HERC1: variants seen among roughly 807,000 people sequenced by gnomAD.
HERC1 encodes the protein probable E3 ubiquitin-protein ligase HERC1.
Under a neutral mutation model 554.3 loss-of-function variants are expected in HERC1, and 160 were observed. That is an observed-to-expected ratio of 0.29 (90% CI 0.25 to 0.33). HERC1 has a LOEUF of 0.33. Ranked by LOEUF, HERC1 falls within the 10% of genes least tolerant of loss-of-function variation. The pLI is 1.00. For missense variants in HERC1, 4,919 were observed against 5,918.5 expected (o/e 0.83, Z 5.54); for synonymous variants, 2,175 against 2,131.7 (o/e 1.02, Z -0.56).
At position 63,775,638 on chromosome 15, in the gene HERC1, C is replaced by T; in HGVS notation, c.-15G>A. ...ATAGTTGCCATGTTGATTTATCCTTCAGCCATTAGTCCTGCAAAGGGAGAA... is the reference window on the plus strand; with the variant it reads ...ATAGTTGCCATGTTGATTTATCCTTTAGCCATTAGTCCTGCAAAGGGAGAA... On this transcript the variant is annotated 5_prime_UTR_variant, in exon 2 of 78. Transcript: ENST00000443617. This position sits in a 1 kb window ranked among gnomAD's most constrained non-coding sequence, Gnocchi z 4.0. The T allele has an allele frequency of 6.4e-7, 1 of 1,571,858 alleles. No homozygotes were observed. Among genetic ancestry groups the T allele is most frequent in the Non-Finnish European group, 8.6e-7 (1 of 1,159,128 alleles).
At chr15:63,700,576 T>TA (rs1409346239) in intron 25 of HERC1, among the ~76,000 whole-genome samples, 1 of 152,032 alleles carries the variant, frequency 6.6e-6, no homozygotes, top group East Asian at 1.9e-4. Context: ...TGTATCCTAG[T>TA]AAAATAATGT....
intron 2 of HERC1, among the ~76,000 whole-genome samples, chr15:63,766,802 C>A (rs1044831373): frequency 6.6e-6 from 1 of 151,990 alleles, no homozygotes; most frequent in African/African-American, 2.4e-5. Flanking sequence ...CTCAGTCTCC[C>A]GAGTAGCTGG....
chr15:63,801,082 G>A (rs185013363), intron 1 of HERC1, among the ~76,000 whole-genome samples: 23 of 152,242 alleles, frequency 1.5e-4, no homozygotes, highest in Middle Eastern at 6.8e-3. Context: ...ATGCTGGGAG[G>A]GTGGCATGTC....
At chr15:63,721,645 G>A (rs1313566973) in intron 19 of HERC1, among the ~76,000 whole-genome samples, 1 of 152,010 alleles carries the variant, frequency 6.6e-6, no homozygotes, top group Middle Eastern at 3.2e-3. Flanking sequence ...CCAATAAAAA[G>A]TAAAAATGTA....
At chr15:63,777,761 C>T (rs1458578348) in intron 1 of HERC1, among the ~76,000 whole-genome samples, 1 of 152,190 alleles carries the variant, frequency 6.6e-6, no homozygotes, top group East Asian at 1.9e-4. Flanking sequence ...CCGACTCTCA[C>T]ACCCAGATTC....
chr15:63,637,235 G>T, intron 64 of HERC1: 1 of 520,176 alleles, frequency 1.9e-6, no homozygotes. Context: ...TTACACTTTT[G>T]CAATTTTTAA....
Position 63,612,395 on chromosome 15 carries a change from C to A in HERC1, c.14256G>T (p.Gln4752His). Reference sequence around the variant, plus strand: ...GCGTGTGCCAGAACCACTGCACCAGCTGATGCTGCTCATCCACCTCACGGT... The same window carrying A: ...GCGTGTGCCAGAACCACTGCACCAGATGATGCTGCTCATCCACCTCACGGT... ...VRYREVDEQH[Q>H]LVQWFWHTLE... The change falls in exon 77 of 78, where the codon CAG (glutamine) becomes CAT (histidine). Residue 4752 changes from glutamine to histidine, a missense_variant. Coordinates refer to ENST00000443617, the MANE Select transcript of HERC1 (RefSeq NM_003922.4). This position sits in a 1 kb window ranked among gnomAD's most constrained non-coding sequence, Gnocchi z 5.0. 1 of 1,614,078 alleles carries A rather than the reference C, an allele frequency of 6.2e-7. No individual in the cohort carries two copies. Among genetic ancestry groups the A allele is most frequent in the South Asian group, 1.1e-5 (1 of 91,082 alleles).
chr15:63,681,096 AC>A (rs1487987197), intron 34 of HERC1, among the ~76,000 whole-genome samples: 1 of 152,232 alleles, frequency 6.6e-6, no homozygotes, highest in Non-Finnish European at 1.5e-5. Flanking sequence ...TTAATTCTTT[AC>A]ATATAGATTT....
intron 27 of HERC1, among the ~76,000 whole-genome samples, chr15:63,695,383 C>CATTTTTTT (rs1567023180): frequency 9.7e-6 from 1 of 103,306 alleles, no homozygotes; most frequent in Admixed American, 1.0e-4. Flanking sequence ...TCTGTATAAT[C>CATTTTTTT]TTTTTTTTTT....
intron 1 of HERC1, among the ~76,000 whole-genome samples, chr15:63,817,916 A>G (rs1398109264): frequency 1.3e-5 from 2 of 152,032 alleles, no homozygotes; most frequent in Non-Finnish European, 2.9e-5. Context: ...AAAATGCTGT[A>G]TGGGAATTGA....
Position 63,680,707 on chromosome 15 carries a change from C to A in HERC1, c.6295G>T (p.Asp2099Tyr). 1 of 1,613,592 alleles carries A rather than the reference C, an allele frequency of 6.2e-7. No homozygotes were observed. The highest frequency in any genetic ancestry group is 1.1e-5 in the South Asian group (1 of 91,058). The change falls in exon 35 of 78, where the codon GAC (aspartate) becomes TAC (tyrosine). Residue 2099 changes from aspartate to tyrosine, a missense_variant. Asp to Tyr is a radical substitution (Grantham distance 160). Transcript: ENST00000443617. This position sits in a 1 kb window ranked among gnomAD's most constrained non-coding sequence, Gnocchi z 5.8. ...CVGVSRWPVH[D>Y]FNHRTTSDMW... ...TCCGAGGTAGTGCGGTGATTAAAGT[C>A]ATGTACTGGCCAGCGAGAAACTCCA...
At chr15:63,693,247 CTT>C (rs112964926) in intron 30 of HERC1, among the ~76,000 whole-genome samples, 194 of 135,450 alleles carry the variant, frequency 1.4e-3, no homozygotes, top group Non-Finnish European at 1.8e-3. Context: ...TTTTCTTTTT[CTT>C]TTTTTTTTTT....
At chr15:63,818,098 T>C (rs985164658) in intron 1 of HERC1, among the ~76,000 whole-genome samples, 3 of 152,150 alleles carry the variant, frequency 2.0e-5, no homozygotes, top group African/African-American at 4.8e-5. Context: ...TTACTCTTAT[T>C]TGCAAGTCTG....
At position 63,698,664 on chromosome 15, in the gene HERC1, T is replaced by C. The variant is rs2072560685; in HGVS notation, c.4905+64A>G. 4.0e-6 allele frequency: 6 copies of C among 1,482,312 alleles called. No homozygotes were observed. The South Asian group carries it at 6.5e-5, about 16-fold the overall frequency. 91.8% of individuals were successfully genotyped at this position (1,482,312 alleles called of 1,614,324 possible). Reference sequence around the variant, plus strand: ...AAAGGAAAGGTTTTCCCTAGAACTATACATTCAATGGTTCAGTTTTAAGTT... The same window carrying C: ...AAAGGAAAGGTTTTCCCTAGAACTACACATTCAATGGTTCAGTTTTAAGTT... On this transcript the variant is annotated intron_variant, in intron 26 of 77. Coordinates refer to ENST00000443617, the MANE Select transcript of HERC1 (RefSeq NM_003922.4).
At chr15:63,822,185 T>C (rs377712859) in intron 1 of HERC1, among the ~76,000 whole-genome samples, 11 of 152,286 alleles carry the variant, frequency 7.2e-5, no homozygotes, top group East Asian at 3.9e-4. Flanking sequence ...TAGTTCAATG[T>C]AGCAGAAGTG....
intron 71 of HERC1, 141 bp from the exon 72 acceptor site, chr15:63,624,468 G>A: frequency 1.5e-6 from 1 of 688,238 alleles, no homozygotes; most frequent in South Asian, 2.2e-5. Context: ...AGGCTGTGGT[G>A]GGCGGATCGC....
At chr15:63,648,032 T>C (rs1180248816) in intron 55 of HERC1, 37 bp downstream of exon 55, 4 of 1,501,220 alleles carry the variant, frequency 2.7e-6, no homozygotes, top group East Asian at 4.9e-5. Context: ...ATTATATTTG[T>C]ATCCCATAAA....
chr15:63,749,088 T>A lies in HERC1; in HGVS notation c.2219+279A>T, dbSNP rs1173837043. Reference sequence around the variant, plus strand: ...TTGATATGCAGATATTTAATTTTTTTAAATCAGCATGTAGAGATGAGAGAG... The same window carrying A: ...TTGATATGCAGATATTTAATTTTTTAAAATCAGCATGTAGAGATGAGAGAG... On this transcript the variant is annotated intron_variant, in intron 10 of 77. Coordinates refer to ENST00000443617, the MANE Select transcript of HERC1 (RefSeq NM_003922.4). This position sits in a 1 kb window ranked among gnomAD's most constrained non-coding sequence, Gnocchi z 4.1. Among the ~76,000 whole-genome samples the A allele has an allele frequency of 6.6e-6, 1 of 152,190 alleles. No individual in the cohort carries two copies. Among genetic ancestry groups the A allele is most frequent in the African/African-American group, 2.4e-5 (1 of 41,450 alleles).
At chr15:63,681,175 A>ATTGTTTTGTT (rs144166394) in intron 34 of HERC1, among the ~76,000 whole-genome samples, 6 of 151,812 alleles carry the variant, frequency 4.0e-5, no homozygotes, top group African/African-American at 1.5e-4. Flanking sequence ...GACTAGGTGT[A>ATTGTTTTGTT]TTGTTTTGTT....
Sources: gnomAD v4.1 joint callset for allele counts (sites outside exome capture counted in the v4.1 genomes callset) on GRCh38, gnomAD v4.1.1 for gene constraint, Gnocchi (gnomAD v3.1) non-coding constraint, MANE v1.5 for transcripts, NCBI Gene and HGNC (gene_info 2026-07-23, HGNC 2026-07-21) for gene names.